The following ANO5 variants were observed in gnomAD, a reference collection of about 807,000 sequenced individuals.
ANO5 encodes the protein anoctamin 5, also known as anoctamin-5.
A neutral mutation model predicts 121.0 loss-of-function variants in ANO5; 109 were observed. That is an observed-to-expected ratio of 0.90 (90% CI 0.77 to 1.06). The LOEUF is 1.06. ANO5 is among the 50% of genes least tolerant of loss of function. The pLI is 0.00. For synonymous variants in ANO5, 406 were observed against 359.9 expected, an observed-to-expected ratio of 1.13 and a Z score of -1.45; for missense variants, 1,064 against 1,078.5, an observed-to-expected ratio of 0.99 and a Z score of 0.19.
At chr11:22,240,308 TAC>T (rs1853387375) in intron 9 of ANO5, among the ~76,000 whole-genome samples, 1 of 152,010 alleles carries the variant, frequency 6.6e-6, no homozygotes, top group South Asian at 2.1e-4. Context: ...ACTACAAGCA[TAC>T]AAGATATTAG....
At chr11:22,270,553 C>T in intron 18 of ANO5, 111 bp downstream of exon 18, 1 of 1,498,516 alleles carries the variant, frequency 6.7e-7, no homozygotes, top group Non-Finnish European at 9.1e-7. Flanking sequence ...AAATCTTTGA[C>T]TGGTTGGCAA....
rs762027136 is a variant in ANO5, at chr11:22,272,755, G to T, written c.2030-29G>T. 3 of 1,593,856 alleles carry T rather than the reference G, an allele frequency of 1.9e-6. No individual in the cohort carries two copies. The South Asian group carries it at 3.3e-5, about 18-fold the overall frequency. On this transcript the variant is annotated intron_variant, in intron 18 of 21. Transcript: ENST00000324559. The stretch of plus-strand genomic sequence containing the variant: ...TCCTGTCTTTCTCCTTCACAATAAT[G>T]AGTTCATGCCTTTTTCTTTTCTCTA...
At chr11:22,196,761 C>T (rs1851825887) in intron 1 of ANO5, among the ~76,000 whole-genome samples, 1 of 152,016 alleles carries the variant, frequency 6.6e-6, no homozygotes. Flanking sequence ...CCCAGCTACT[C>T]GGGAGACTGA....
intron 3 of ANO5, among the ~76,000 whole-genome samples, chr11:22,215,868 A>C (rs1240753659): frequency 6.6e-6 from 1 of 151,904 alleles, no homozygotes; most frequent in Non-Finnish European, 1.5e-5. Flanking sequence ...TTTCTAATGT[A>C]ATATATAAAT....
At position 22,237,210 on chromosome 11, in the gene ANO5, A is replaced by C. The variant is rs192232943; in HGVS notation, c.762+934A>C. On this transcript the variant is annotated intron_variant, in intron 8 of 21. Coordinates refer to ENST00000324559, the MANE Select transcript of ANO5 (RefSeq NM_213599.3). ...GATGTATTCTCTTTGTAAGAAATAT[A>C]GTTCTCAGTAATAGAAGAAACAAAT... Among the ~76,000 whole-genome samples, 352 of 152,290 alleles carry C rather than the reference A, an allele frequency of 2.3e-3. 1 individual carries two copies. The highest frequency in any genetic ancestry group is 8.0e-3 in the African/African-American group (334 of 41,546).
At chr11:22,245,939 G>C (rs577810026) in intron 9 of ANO5, among the ~76,000 whole-genome samples, 12 of 152,266 alleles carry the variant, frequency 7.9e-5, no homozygotes, top group Admixed American at 6.5e-4. Context: ...GATGAGGGAT[G>C]CTCAACCTGG....
chr11:22,193,046 G>T, upstream of ANO5: 1 of 1,020,766 alleles, frequency 9.8e-7, no homozygotes, highest in South Asian at 3.6e-5. Flanking sequence ...AAACAGGGAC[G>T]CAGCGAAGGG....
At chr11:22,258,366 CATT>C (rs1466767562) in intron 14 of ANO5, among the ~76,000 whole-genome samples, 3 of 152,060 alleles carry the variant, frequency 2.0e-5, no homozygotes. Context: ...ACATAATAAT[CATT>C]GAGGAGATGT....
intron 1 of ANO5, among the ~76,000 whole-genome samples, chr11:22,198,919 C>T (rs1851886219): frequency 6.6e-6 from 1 of 152,104 alleles, no homozygotes; most frequent in Admixed American, 6.5e-5. Context: ...TCAGGATCAA[C>T]TGAGTTTTGA....
chr11:22,226,770 A>T (rs1852848084), intron 6 of ANO5, among the ~76,000 whole-genome samples: 1 of 152,162 alleles, frequency 6.6e-6, no homozygotes, highest in Non-Finnish European at 1.5e-5. Flanking sequence ...TCAGTGAACT[A>T]ATAAATTATT....
intron 7 of ANO5, among the ~76,000 whole-genome samples, chr11:22,233,693 G>T (rs939932182): frequency 1.1e-4 from 16 of 152,098 alleles, no homozygotes; most frequent in Non-Finnish European, 2.1e-4. Flanking sequence ...CTTGTTTTAT[G>T]AGAGGAGGAG....
intron 5 of ANO5, among the ~76,000 whole-genome samples, chr11:22,223,061 A>G (rs1443309304): frequency 2.0e-5 from 3 of 151,976 alleles, no homozygotes; most frequent in Non-Finnish European, 4.4e-5. Context: ...AAGCTATCTT[A>G]CTTTCTGTTA....
At position 22,202,117 on chromosome 11, in the gene ANO5, A is replaced by G. The variant is rs76294588; in HGVS notation, c.41-1687A>G. 1.4e-4 allele frequency among the ~76,000 whole-genome samples: 20 copies of G among 142,888 alleles called. 1 individual carries two copies. The East Asian group carries it at 1.7e-3, about 12-fold the overall frequency. The allele number at this position is 142,888 out of a possible 152,430, so 93.7% of individuals were successfully genotyped here. ...AGGCAAAAAACTCATATCAAGAATG[A>G]CCCCATCTTATACTAGCAAAGCTAT... On this transcript the variant is annotated intron_variant, in intron 1 of 21. Coordinates refer to ENST00000324559, the MANE Select transcript of ANO5 (RefSeq NM_213599.3).
rs2133822394 is a variant in ANO5, at chr11:22,283,297, G to C, written c.*3532G>C. ...CAGGAAAAGCTCTCTTAAATAATGT[G>C]TACATAAATCTCAAGAGAATCAAAT... On this transcript the variant is annotated 3_prime_UTR_variant, in exon 22 of 22. Transcript: ENST00000324559. 1 of 152,216 alleles carries C rather than the reference G, an allele frequency of 6.6e-6. No individual in the cohort carries two copies. The highest frequency in any genetic ancestry group is 1.5e-5 in the Non-Finnish European group (1 of 68,002). 9.4% of individuals were successfully genotyped at this position (152,216 alleles called of 1,614,324 possible).
chr11:22,276,089 T>G lies in ANO5; in HGVS notation c.2415-5T>G, dbSNP rs1367127296. 1.3e-6 allele frequency: 2 copies of G among 1,589,100 alleles called. No individual in the cohort carries two copies. The highest frequency in any genetic ancestry group is 1.1e-5 in the South Asian group (1 of 90,492). ...TTTTTTTTTGCATTTACTTCCACTT[T>G]TCAGGTACAGAGATTACAGATATCC... is the stretch of plus-strand genomic sequence containing the variant. On this transcript the variant is annotated splice_polypyrimidine_tract_variant and splice_region_variant and intron_variant, in intron 20 of 21. Transcript: ENST00000324559.
chr11:22,206,380 G>A (rs545307860), intron 2 of ANO5, among the ~76,000 whole-genome samples: 9 of 152,146 alleles, frequency 5.9e-5, no homozygotes, highest in South Asian at 4.1e-4. Context: ...GCAGTGGCAC[G>A]ATCTTGGCTC....
At chr11:22,236,392 A>C (rs1853222527) in intron 8 of ANO5, 116 bp downstream of exon 8, 1 of 831,536 alleles carries the variant, frequency 1.2e-6, no homozygotes, top group African/African-American at 1.7e-5. Context: ...TGGTGGGAAA[A>C]TCCCCAAAGA....
chr11:22,274,772 G>T (rs1467807155), intron 20 of ANO5, 25 bp downstream of exon 20: 1 of 1,610,500 alleles, frequency 6.2e-7, no homozygotes, highest in Non-Finnish European at 8.5e-7. Context: ...TGTTTGTTTA[G>T]GTTTTAGTTT....
At chr11:22,217,198 T>G (rs4922986) in intron 3 of ANO5, among the ~76,000 whole-genome samples, 104,999 of 151,708 alleles carry the variant, frequency 0.69, 37,852 homozygotes, top group Non-Finnish European at 0.81. Context: ...AAGAGACTAG[T>G]TTAAGTAATT....
Sources: allele counts gnomAD v4.1 joint callset (sites outside exome capture counted in the v4.1 genomes callset), GRCh38; gene constraint gnomAD v4.1.1; transcripts MANE v1.5; gene names NCBI Gene and HGNC (gene_info 2026-07-23, HGNC 2026-07-21).